The following ASTN2 variants were observed in gnomAD, a reference collection of about 807,000 sequenced individuals.
ASTN2 encodes the protein astrotactin-2.
ASTN2 carries 54 observed loss-of-function variants against 139.8 expected under a neutral mutation model. That is an observed-to-expected ratio of 0.39 (90% CI 0.31 to 0.48). ASTN2 has a LOEUF of 0.48. ASTN2 is among the 20% of genes least tolerant of loss of function. The probability of loss-of-function intolerance (pLI) is 0.95; values close to 1 mark genes in which losing one functional copy is unlikely to be tolerated. For missense variants in ASTN2, 1,565 were observed against 1,725.1 expected, an observed-to-expected ratio of 0.91 and a Z score of 1.64; for synonymous variants, 756 against 719.5, an observed-to-expected ratio of 1.05 and a Z score of -0.81.
At chr9:116,618,186 C>T (rs1855947166) in intron 19 of ASTN2, 138 bp downstream of exon 19, 3 of 901,168 alleles carry the variant, frequency 3.3e-6, no homozygotes, top group Non-Finnish European at 3.3e-6. Flanking sequence ...CAAGGATGGA[C>T]AGCGAAAAAT....
intron 11 of ASTN2, among the ~76,000 whole-genome samples, chr9:116,828,570 C>T (rs902446653): frequency 6.6e-6 from 1 of 151,884 alleles, no homozygotes; most frequent in Non-Finnish European, 1.5e-5. Flanking sequence ...AAATACACAC[C>T]TCAACATAGT....
chr9:117,331,630 C>G (rs1486571648), intron 1 of ASTN2, among the ~76,000 whole-genome samples: 1 of 152,160 alleles, frequency 6.6e-6, no homozygotes, highest in Non-Finnish European at 1.5e-5. Context: ...GTGCACCAAG[C>G]ACATGGCCTA....
At chr9:116,632,252 G>GAAAGAAAGAAAGAAGGAAAGAAA (rs1856833378) in intron 17 of ASTN2, among the ~76,000 whole-genome samples, 3 of 70,916 alleles carry the variant, frequency 4.2e-5, no homozygotes, top group South Asian at 6.5e-4. Context: ...AAAGAAAGAA[G>GAAAGAAAGAAAGAAGGAAAGAAA]GAAAGAAAGA....
At chr9:116,921,038 C>T (rs1332494129) in intron 10 of ASTN2, among the ~76,000 whole-genome samples, 1 of 152,124 alleles carries the variant, frequency 6.6e-6, no homozygotes, top group East Asian at 1.9e-4. Flanking sequence ...GGAAGTATGG[C>T]CACATCTGCT....
intron 19 of ASTN2, among the ~76,000 whole-genome samples, chr9:116,610,375 C>A (rs1210662492): frequency 6.6e-6 from 1 of 152,236 alleles, no homozygotes; most frequent in African/African-American, 2.4e-5. Context: ...GAGGCTGAGG[C>A]GGGTGGATCA....
chr9:117,121,529 T>C (rs533274331), intron 4 of ASTN2, among the ~76,000 whole-genome samples: 7 of 152,330 alleles, frequency 4.6e-5, no homozygotes, highest in African/African-American at 1.7e-4. Flanking sequence ...CTGACCCATT[T>C]TCCAAGTAGC....
intron 2 of ASTN2, among the ~76,000 whole-genome samples, chr9:117,266,423 G>C (rs1411943057): frequency 6.6e-6 from 1 of 152,050 alleles, no homozygotes; most frequent in Non-Finnish European, 1.5e-5. Flanking sequence ...AAAAAAATTG[G>C]CAAGTTAGGT....
At chr9:117,084,205 T>C (rs1572157) in intron 5 of ASTN2, among the ~76,000 whole-genome samples, 85,968 of 151,972 alleles carry the variant, frequency 0.57, 25,493 homozygotes, top group East Asian at 0.85. Flanking sequence ...CAAAGCTAGG[T>C]TTCTGTATTT....
chr9:117,095,864 C>T (rs1356596913), intron 5 of ASTN2, among the ~76,000 whole-genome samples, 180 bp downstream of exon 5: 1 of 151,966 alleles, frequency 6.6e-6, no homozygotes, highest in Non-Finnish European at 1.5e-5. Flanking sequence ...AAGAATAAGC[C>T]AGGAAAAGCA....
At chr9:117,259,137 A>G (rs1833760880) in intron 2 of ASTN2, among the ~76,000 whole-genome samples, 2 of 152,062 alleles carry the variant, frequency 1.3e-5, no homozygotes, top group South Asian at 4.1e-4. Context: ...TGTCCATGTA[A>G]GCTCCTGACC....
chr9:116,514,769 C>T (rs918068157), intron 19 of ASTN2, among the ~76,000 whole-genome samples: 1 of 152,194 alleles, frequency 6.6e-6, no homozygotes, highest in African/African-American at 2.4e-5. Flanking sequence ...GTAAGCGAGG[C>T]TCCATGGGCA....
intron 20 of ASTN2, among the ~76,000 whole-genome samples, chr9:116,444,693 G>A (rs1414365917): frequency 6.6e-6 from 1 of 152,130 alleles, no homozygotes; most frequent in African/African-American, 2.4e-5. Flanking sequence ...GAAGGGGCCC[G>A]GTCTTGGAGA....
intron 19 of ASTN2, among the ~76,000 whole-genome samples, chr9:116,551,470 C>A (rs759455541): frequency 9.2e-5 from 14 of 152,152 alleles, no homozygotes; most frequent in Admixed American, 2.0e-4. Flanking sequence ...TAACAGCAAC[C>A]TTCAACCTCT....
intron 13 of ASTN2, among the ~76,000 whole-genome samples, chr9:116,790,966 G>GAAAGAAAGAAAA (rs1830520343): frequency 1.5e-5 from 1 of 65,818 alleles, no homozygotes; most frequent in Non-Finnish European, 3.2e-5. Context: ...AAAGAAAGAA[G>GAAAGAAAGAAAA]GAAAGAAAGA....
intron 2 of ASTN2, among the ~76,000 whole-genome samples, chr9:117,235,957 T>A (rs1232044668): frequency 6.6e-6 from 1 of 152,158 alleles, no homozygotes; most frequent in Non-Finnish European, 1.5e-5. Context: ...TAAATAACAT[T>A]TTCAGAGAAC....
At chr9:117,375,755 A>G (rs1830106008) in intron 1 of ASTN2, among the ~76,000 whole-genome samples, 1 of 152,190 alleles carries the variant, frequency 6.6e-6, no homozygotes. Flanking sequence ...GGCATAAAAC[A>G]GTGCAAACAG....
At chr9:117,142,005 G>C (rs7027078) in intron 3 of ASTN2, among the ~76,000 whole-genome samples, 150,972 of 152,236 alleles carry the variant, frequency 0.99, 74,874 homozygotes, top group East Asian at 1. Context: ...GTTGGACAGA[G>C]CAGAGAAGAC....
chr9:116,883,665 A>G (rs1255994094), intron 10 of ASTN2, among the ~76,000 whole-genome samples: 1 of 152,214 alleles, frequency 6.6e-6, no homozygotes, highest in Non-Finnish European at 1.5e-5. Flanking sequence ...GAGGTTGCAG[A>G]TGCAGAAATC....
At chr9:116,437,432 C>T (rs1211220137) in intron 22 of ASTN2, 1 of 471,220 alleles carries the variant, frequency 2.1e-6, no homozygotes, top group African/African-American at 2.0e-5. Flanking sequence ...AGCTGGGTGA[C>T]AGGGTGGGGA....
Sources: gnomAD v4.1 joint callset for allele counts (sites outside exome capture counted in the v4.1 genomes callset) on GRCh38, gnomAD v4.1.1 for gene constraint, MANE v1.5 for transcripts, NCBI Gene and HGNC (gene_info 2026-07-23, HGNC 2026-07-21) for gene names.